XRRA1: variants seen among roughly 807,000 people sequenced by gnomAD.
The protein encoded by XRRA1 is X-ray radiation resistance associated 1, also known as X-ray radiation resistance-associated protein 1.
A neutral mutation model predicts 80.2 loss-of-function variants in XRRA1; 69 were observed. That is an observed-to-expected ratio of 0.86 (90% CI 0.71 to 1.05). XRRA1 has a LOEUF of 1.05. XRRA1 is among the 50% of genes least tolerant of loss of function. XRRA1 has a pLI of 0.00. For synonymous variants in XRRA1, 348 were observed against 389.9 expected (o/e 0.89, Z 1.27); for missense variants, 967 against 976.4 (o/e 0.99, Z 0.13).
rs575406389 is a variant in XRRA1 at position 74,841,776 on chromosome 11, C to G, written c.*1424G>C. ...GGCAATGAACTCGCTCTTCAAATAC[C>G]ATAGTTCAAGAGTAGCTGTTGGCCC... is the stretch of plus-strand genomic sequence containing the variant. On this transcript the variant is annotated 3_prime_UTR_variant, in exon 19 of 19. Coordinates refer to ENST00000684022, the MANE Select transcript of XRRA1 (RefSeq NM_001378157.1). 1 of 152,266 alleles carries G rather than the reference C, an allele frequency of 6.6e-6. No individual in the cohort carries two copies. The highest frequency in any genetic ancestry group is 6.5e-5 in the Admixed American group (1 of 15,294). The allele number at this position is 152,266 out of a possible 1,614,324, so 9.4% of individuals were successfully genotyped here.
intron 15 of XRRA1, among the ~76,000 whole-genome samples, chr11:74,846,485 A>G (rs1224148268): frequency 6.6e-6 from 1 of 152,206 alleles, no homozygotes; most frequent in Non-Finnish European, 1.5e-5. Context: ...ATCACAAGAA[A>G]GGAAAAATAC....
At position 74,843,323 on chromosome 11, in the gene XRRA1, G is replaced by A. The variant is rs186896347; in HGVS notation, c.2280C>T (p.Phe760=). ...AGGCCATGGGGAGCGGGGTAGTCCC[G>A]AACACTGTGCGCAGAGAGCCACTCA... ...QLVSGSLRTV[F]GTTPLPMACP... Residue 760 remains phenylalanine (F), a synonymous_variant, in exon 19 of 19, where the codon TTC becomes TTT. Coordinates refer to ENST00000684022, the MANE Select transcript of XRRA1 (RefSeq NM_001378157.1). The A allele has an allele frequency of 3.6e-5, 58 of 1,607,108 alleles. No individual in the cohort carries two copies. The African/African-American group carries it at 3.7e-4, about 10-fold the overall frequency.
chr11:74,865,063 T>C (rs537053111), intron 10 of XRRA1, among the ~76,000 whole-genome samples: 2 of 150,974 alleles, frequency 1.3e-5, no homozygotes, highest in South Asian at 4.2e-4. Context: ...CAGTGGAGAA[T>C]TATCCTATCT....
chr11:74,940,761 T>TA (rs764674848), intron 3 of XRRA1, 24 bp downstream of exon 3: 1 of 1,574,310 alleles, frequency 6.4e-7, no homozygotes, highest in African/African-American at 1.3e-5. Context: ...GAGGAAAAGG[T>TA]AGCTATTTGA....
chr11:74,849,639 T>G (rs2039277802), intron 14 of XRRA1, among the ~76,000 whole-genome samples: 1 of 152,142 alleles, frequency 6.6e-6, no homozygotes, highest in Admixed American at 6.5e-5. Flanking sequence ...ATGCTCTTTC[T>G]CTATCCCACC....
At chr11:74,926,926 G>A (rs913291471) in intron 7 of XRRA1, among the ~76,000 whole-genome samples, 2 of 151,710 alleles carry the variant, frequency 1.3e-5, no homozygotes, top group Non-Finnish European at 2.9e-5. Context: ...GACTGATTCA[G>A]CTCACTTAGA....
Position 74,936,893 on chromosome 11 carries a change from C to G in XRRA1, c.270G>C (p.Gln90His). Reference protein sequence around the residue: ...QVDLPGHILDQAFLLKHHCVR... With the variant: ...QVDLPGHILDHAFLLKHHCVR... Reference sequence around the variant, plus strand: ...ATGCATTTACTCTCACCAGAAAAGCCTGGTCCAGGATATGTCCAGGAAGGT... The same window carrying G: ...ATGCATTTACTCTCACCAGAAAAGCGTGGTCCAGGATATGTCCAGGAAGGT... The change falls in exon 4 of 19, where the codon CAG (glutamine) becomes CAC (histidine). Residue 90 changes from glutamine (Q) to histidine (H), a missense_variant. Gln to His is a conservative substitution (Grantham distance 24). Coordinates refer to ENST00000684022, the MANE Select transcript of XRRA1 (RefSeq NM_001378157.1). 1 of 1,613,338 alleles carries G rather than the reference C, an allele frequency of 6.2e-7. No homozygotes were observed. The highest frequency in any genetic ancestry group is 1.1e-5 in the South Asian group (1 of 90,872).
At chr11:74,866,997 T>C (rs950259081) in intron 10 of XRRA1, among the ~76,000 whole-genome samples, 1 of 152,130 alleles carries the variant, frequency 6.6e-6, no homozygotes, top group Non-Finnish European at 1.5e-5. Context: ...CACCATGCCA[T>C]TACTGCCAGC....
chr11:74,861,241 G>C (rs949281169), intron 11 of XRRA1, among the ~76,000 whole-genome samples: 1 of 152,186 alleles, frequency 6.6e-6, no homozygotes, highest in Non-Finnish European at 1.5e-5. Context: ...CCACAAACCG[G>C]TGCCAGTCCC....
chr11:74,929,462 C>T (rs1403966045), intron 6 of XRRA1, among the ~76,000 whole-genome samples: 1 of 134,278 alleles, frequency 7.4e-6, no homozygotes, highest in Non-Finnish European at 1.8e-5. Flanking sequence ...CTATTTAAAA[C>T]CCTTCCAAGA....
chr11:74,846,993 T>TGA (rs2038407473), intron 15 of XRRA1, among the ~76,000 whole-genome samples: 1 of 152,078 alleles, frequency 6.6e-6, no homozygotes, highest in East Asian at 1.9e-4. Context: ...AGCTCAGAAC[T>TGA]GCATTTTGTC....
intron 11 of XRRA1, among the ~76,000 whole-genome samples, chr11:74,862,106 T>C (rs1004077172): frequency 1.3e-5 from 2 of 152,326 alleles, no homozygotes; most frequent in Admixed American, 6.5e-5. Context: ...GAAACCCTGA[T>C]GCTGTAATGA....
intron 10 of XRRA1, chr11:74,876,873 G>A (rs909793869): frequency 6.6e-6 from 1 of 152,108 alleles, no homozygotes; most frequent in Non-Finnish European, 1.5e-5. Flanking sequence ...CTCGAGATTC[G>A]CTGTGAGATA....
intron 11 of XRRA1, among the ~76,000 whole-genome samples, chr11:74,860,034 A>C (rs2041994482): frequency 6.6e-6 from 1 of 152,174 alleles, no homozygotes; most frequent in South Asian, 2.1e-4. Context: ...TGCTGGGCTA[A>C]TGGTTAGGTT....
At chr11:74,889,291 A>T (rs1408250596) in intron 10 of XRRA1, among the ~76,000 whole-genome samples, 1 of 152,184 alleles carries the variant, frequency 6.6e-6, no homozygotes, top group African/African-American at 2.4e-5. Flanking sequence ...AGAATTTCAT[A>T]TCCAGCCAAA....
chr11:74,883,333 G>A (rs961579085), intron 10 of XRRA1, among the ~76,000 whole-genome samples: 19 of 152,102 alleles, frequency 1.2e-4, no homozygotes, highest in African/African-American at 1.7e-4. Flanking sequence ...GACCCCTTGC[G>A]CTTCCCAAGT....
intron 7 of XRRA1, among the ~76,000 whole-genome samples, chr11:74,924,460 C>T (rs1457148980): frequency 2.1e-5 from 3 of 142,932 alleles, no homozygotes; most frequent in African/African-American, 2.7e-5. Context: ...GGCGACAGAG[C>T]GAAACTCCGT....
Position 74,930,391 on chromosome 11 carries a change from G to GAA in XRRA1, c.352-21_352-20dup, listed in dbSNP as rs60520529. On this transcript the variant is annotated intron_variant, in intron 5 of 18. Coordinates refer to ENST00000684022, the MANE Select transcript of XRRA1 (RefSeq NM_001378157.1). ...CCTTGGCCTGTAGGAAAGCATTTCA[G>GAA]AAAAAAAAAAAAATCCACAAGATTA... 1.1e-3 allele frequency: 1,425 copies of GAA among 1,266,982 alleles called. No individual in the cohort carries two copies. The highest frequency in any genetic ancestry group is 1.8e-3 in the South Asian group (127 of 68,924). 78.5% of individuals were successfully genotyped at this position (1,266,982 alleles called of 1,614,324 possible).
chr11:74,890,407 T>G (rs1342435772), intron 10 of XRRA1, among the ~76,000 whole-genome samples: 1 of 152,160 alleles, frequency 6.6e-6, no homozygotes, highest in African/African-American at 2.4e-5. Flanking sequence ...AAGCAGTGTG[T>G]AGAGGGAAAT....
Sources: gnomAD v4.1 joint callset for allele counts (sites outside exome capture counted in the v4.1 genomes callset) on GRCh38, gnomAD v4.1.1 for gene constraint, MANE v1.5 for transcripts, NCBI Gene and HGNC (gene_info 2026-07-23, HGNC 2026-07-21) for gene names.